DNAJC1: variants seen among roughly 807,000 people sequenced by gnomAD.
DNAJC1 encodes the protein DnaJ heat shock protein family (Hsp40) member C1.
A neutral mutation model predicts 76.6 loss-of-function variants in DNAJC1; 58 were observed. The observed-to-expected ratio is 0.76, with a 90% CI of 0.61 to 0.94. DNAJC1 has a LOEUF of 0.94. Ranked by LOEUF, DNAJC1 falls within the 40% of genes least tolerant of loss-of-function variation. The probability of loss-of-function intolerance (pLI) is 0.00; values close to 1 mark genes in which losing one functional copy is unlikely to be tolerated. For synonymous variants in DNAJC1, 258 were observed against 267.9 expected, an observed-to-expected ratio of 0.96 and a Z score of 0.36; for missense variants, 689 against 677.3, an observed-to-expected ratio of 1.02 and a Z score of -0.19.
chr10:21,949,669 G>A (rs1032135665), intron 1 of DNAJC1, among the ~76,000 whole-genome samples: 2 of 151,582 alleles, frequency 1.3e-5, no homozygotes, highest in Non-Finnish European at 2.9e-5. Context: ...TGCCCGCCTT[G>A]GCCTCCTGAA....
At chr10:21,999,448 ACT>A (rs1405578589) in intron 1 of DNAJC1, among the ~76,000 whole-genome samples, 1 of 103,062 alleles carries the variant, frequency 9.7e-6, no homozygotes, top group East Asian at 3.3e-4. Flanking sequence ...CATCTTCTTG[ACT>A]CTTTTTTTTT....
At chr10:21,963,003 G>A (rs1353090226) in intron 1 of DNAJC1, among the ~76,000 whole-genome samples, 3 of 152,108 alleles carry the variant, frequency 2.0e-5, no homozygotes, top group Non-Finnish European at 4.4e-5. Flanking sequence ...ATTTCATGAA[G>A]AACAATCAGT....
chr10:21,967,975 C>T, intron 1 of DNAJC1, among the ~76,000 whole-genome samples: 1 of 152,198 alleles, frequency 6.6e-6, no homozygotes, highest in East Asian at 1.9e-4. Flanking sequence ...AACTTATTAA[C>T]TTCTAAAATA....
intron 8 of DNAJC1, among the ~76,000 whole-genome samples, chr10:21,844,140 A>G (rs1406411402): frequency 6.6e-6 from 1 of 152,194 alleles, no homozygotes; most frequent in Non-Finnish European, 1.5e-5. Flanking sequence ...CTGTAAGTCA[A>G]TTAAACCTCT....
chr10:21,941,095 C>CAAAAAAAAAAA (rs1208799870), intron 1 of DNAJC1, among the ~76,000 whole-genome samples: 3 of 39,162 alleles, frequency 7.7e-5, no homozygotes, highest in African/African-American at 1.7e-4. Context: ...ACTAAAAATA[C>CAAAAAAAAAAA]AAAAAAAAAA....
chr10:21,911,085 A>C (rs539144815), intron 6 of DNAJC1, among the ~76,000 whole-genome samples: 62 of 120,490 alleles, frequency 5.1e-4, no homozygotes, highest in African/African-American at 8.3e-4. Context: ...GGAAGGAAGG[A>C]AGGCGGGAAG....
intron 7 of DNAJC1, among the ~76,000 whole-genome samples, chr10:21,889,585 A>G (rs1316109831): frequency 6.6e-6 from 1 of 152,216 alleles, no homozygotes; most frequent in African/African-American, 2.4e-5. Context: ...AAGTTAAGAG[A>G]GAAGCCTGAC....
rs144346479 is a variant in DNAJC1, at chr10:21,762,778, T to C, written c.1148-3160A>G. 5.9e-5 allele frequency among the ~76,000 whole-genome samples: 9 copies of C among 152,320 alleles called. No homozygotes were observed. The East Asian group carries it at 1.7e-3, about 29-fold the overall frequency. ...GCCTACACCATCACGCCTGGCTGTA[T>C]TTTTAACAAATGAGTTCACTTTGTT... On this transcript the variant is annotated intron_variant, in intron 10 of 11. Coordinates refer to ENST00000376980, the MANE Select transcript of DNAJC1 (RefSeq NM_022365.4).
At chr10:21,932,674 A>G (rs1837248606) in intron 1 of DNAJC1, among the ~76,000 whole-genome samples, 1 of 151,920 alleles carries the variant, frequency 6.6e-6, no homozygotes, top group South Asian at 2.1e-4. Context: ...TTTTGTTTTG[A>G]CCTCTCTGTT....
chr10:21,934,851 A>C (rs924960748), intron 1 of DNAJC1, among the ~76,000 whole-genome samples: 5 of 152,186 alleles, frequency 3.3e-5, no homozygotes, highest in African/African-American at 1.2e-4. Context: ...TCTGGCTCCA[A>C]CTGTTAAGAA....
intron 8 of DNAJC1, among the ~76,000 whole-genome samples, chr10:21,826,612 C>A (rs1835261021): frequency 6.6e-6 from 1 of 152,150 alleles, no homozygotes; most frequent in Non-Finnish European, 1.5e-5. Context: ...TCTATGTTTT[C>A]TTCTACTAGT....
intron 9 of DNAJC1, among the ~76,000 whole-genome samples, chr10:21,787,206 T>C (rs1438433076): frequency 6.6e-6 from 1 of 152,054 alleles, no homozygotes; most frequent in East Asian, 1.9e-4. Context: ...CAGGCGCTTG[T>C]AGTCCCAGCT....
intron 1 of DNAJC1, among the ~76,000 whole-genome samples, chr10:21,952,756 CTCAA>C (rs533597442): frequency 5.9e-5 from 9 of 152,214 alleles, no homozygotes; most frequent in East Asian, 1.9e-4. Flanking sequence ...AAGACTCCGT[CTCAA>C]TCAATCAATC....
chr10:21,826,657 C>A (rs1835262140), intron 8 of DNAJC1, among the ~76,000 whole-genome samples: 1 of 152,070 alleles, frequency 6.6e-6, no homozygotes, highest in East Asian at 1.9e-4. Context: ...ATATCTTTGA[C>A]CCATTTTTGT....
chr10:21,931,499 G>A (rs1788165672), intron 1 of DNAJC1, among the ~76,000 whole-genome samples: 1 of 152,104 alleles, frequency 6.6e-6, no homozygotes, highest in East Asian at 1.9e-4. Flanking sequence ...TTAGGTACTC[G>A]ATGAATTCAA....
intron 1 of DNAJC1, among the ~76,000 whole-genome samples, chr10:21,968,485 C>T (rs1322135167): frequency 6.6e-6 from 1 of 151,782 alleles, no homozygotes; most frequent in Non-Finnish European, 1.5e-5. Context: ...ACTTTAAATT[C>T]TCTAAATTCA....
chr10:21,931,853 G>C (rs1837230483), intron 1 of DNAJC1, among the ~76,000 whole-genome samples: 1 of 152,174 alleles, frequency 6.6e-6, no homozygotes, highest in East Asian at 1.9e-4. Context: ...CAGCACGTGA[G>C]TGAAGTGGCT....
chr10:21,893,912 G>A (rs1836496772), intron 7 of DNAJC1, among the ~76,000 whole-genome samples: 9 of 151,940 alleles, frequency 5.9e-5, no homozygotes, highest in Admixed American at 5.9e-4. Flanking sequence ...ATCAACAACT[G>A]GCGAATCTGA....
chr10:21,794,517 C>T (rs1050723344), intron 9 of DNAJC1, among the ~76,000 whole-genome samples: 3 of 151,168 alleles, frequency 2.0e-5, no homozygotes, highest in Non-Finnish European at 4.4e-5. Context: ...CATCCATGAG[C>T]AAAAAAAATG....
Sources: allele counts gnomAD v4.1 joint callset (sites outside exome capture counted in the v4.1 genomes callset), GRCh38; gene constraint gnomAD v4.1.1; transcripts MANE v1.5; gene names NCBI Gene and HGNC (gene_info 2026-07-23, HGNC 2026-07-21).